RRBP1: variants seen among roughly 807,000 people sequenced by gnomAD.
RRBP1 encodes ribosome-binding protein 1.
A neutral mutation model predicts 165.2 loss-of-function variants in RRBP1; 94 were observed. The ratio of observed to expected loss-of-function variants is 0.57; its 90% CI spans 0.48 to 0.68. The LOEUF (loss-of-function observed/expected upper bound fraction) is 0.68. Among genes scored for constraint, RRBP1 ranks in the 30% least tolerant of loss-of-function variants. RRBP1 has a pLI of 0.00. For synonymous variants in RRBP1, 680 were observed against 714.5 expected, an observed-to-expected ratio of 0.95 and a Z score of 0.77; for missense variants, 1,676 against 1,763.0, an observed-to-expected ratio of 0.95 and a Z score of 0.88.
In RRBP1 at chr20:17,643,374, TG is replaced by T. The variant is rs2036403325; in HGVS notation, c.1913-248del. On this transcript the variant is annotated intron_variant, in intron 3 of 24. Coordinates refer to ENST00000377813, the MANE Select transcript of RRBP1 (RefSeq NM_001365613.2). The surrounding 1 kb of genome is among the most constrained non-coding windows in gnomAD (Gnocchi z 4.3). Reference sequence around the variant, plus strand: ...GCCCATAGGAAGTCCCAGCCTGGGGTGGAAGTAGAGCTCCTCTTTTTTTTTT... The same window carrying T: ...GCCCATAGGAAGTCCCAGCCTGGGGTGAAGTAGAGCTCCTCTTTTTTTTTT... Among the ~76,000 whole-genome samples, 1 of 151,282 alleles carries T rather than the reference TG, an allele frequency of 6.6e-6. No individual in the cohort carries two copies. Among genetic ancestry groups the T allele is most frequent in the Non-Finnish European group, 1.5e-5 (1 of 67,862 alleles).
chr20:17,636,854 C>T (rs1028999205), intron 5 of RRBP1, 125 bp from the exon 6 acceptor site: 40 of 1,219,720 alleles, frequency 3.3e-5, no homozygotes, highest in South Asian at 2.8e-4. Flanking sequence ...TCCTGCTGGC[C>T]GGGTTCTCAG....
Position 17,635,580 on chromosome 20 carries a change from C to T in RRBP1, c.2422G>A (p.Ala808Thr). 6.2e-7 allele frequency: 1 copy of T among 1,613,030 alleles called. No homozygotes were observed. Residue 808 changes from alanine to threonine, a missense_variant, in exon 7 of 25, where the codon GCC becomes ACC. By Grantham distance (58) the Ala-to-Thr change is moderately conservative. Transcript: ENST00000377813. Reference protein sequence around the residue: ...LQQENSILRDALNQATSQVES... With the variant: ...LQQENSILRDTLNQATSQVES... ...ACCTGGCTCGTGGCCTGGTTCAAGG[C>T]ATCCCGCAGGATGGAGTTCTCCTGC...
intron 2 of RRBP1, among the ~76,000 whole-genome samples, chr20:17,675,504 G>A (rs888169287): frequency 6.7e-6 from 1 of 148,562 alleles, no homozygotes; most frequent in African/African-American, 2.5e-5. Flanking sequence ...TACGGGACAT[G>A]TCAGGGGGTG....
At position 17,619,617 on chromosome 20, in the gene RRBP1, TG is replaced by T. The variant is rs1341700576; in HGVS notation, c.3675+15del. 6.3e-7 allele frequency: 1 copy of T among 1,595,766 alleles called. No homozygotes were observed. The highest frequency in any genetic ancestry group is 1.1e-5 in the South Asian group (1 of 89,384). ...TCTGCTGGGCAGGGGCTGCACTCCTTGGGGGGCAGACTCACCCCTGCCACCT... is the reference window on the plus strand; with the variant it reads ...TCTGCTGGGCAGGGGCTGCACTCCTTGGGGGCAGACTCACCCCTGCCACCT... On this transcript the variant is annotated intron_variant, in intron 19 of 24. Transcript: ENST00000377813.
chr20:17,670,118 T>A (rs1464586649), intron 2 of RRBP1, among the ~76,000 whole-genome samples: 1 of 152,234 alleles, frequency 6.6e-6, no homozygotes, highest in African/African-American at 2.4e-5. Flanking sequence ...CTAGTTTACA[T>A]AAATAGATGT....
chr20:17,648,465 C>T (rs6044934), intron 3 of RRBP1, among the ~76,000 whole-genome samples: 1 of 152,282 alleles, frequency 6.6e-6, no homozygotes, highest in African/African-American at 2.4e-5. Context: ...CTCAGCGCTC[C>T]TGACAGGAAG....
In RRBP1 at chr20:17,619,615, C is replaced by G; in HGVS notation, c.3675+18G>C. 6.3e-7 allele frequency: 1 copy of G among 1,595,884 alleles called. No individual in the cohort carries two copies. The highest frequency in any genetic ancestry group is 8.6e-7 in the Non-Finnish European group (1 of 1,168,158). ...GATCTGCTGGGCAGGGGCTGCACTC[C>G]TTGGGGGGCAGACTCACCCCTGCCA... is the stretch of plus-strand genomic sequence containing the variant. On this transcript the variant is annotated intron_variant, in intron 19 of 24. Transcript: ENST00000377813.
Position 17,614,804 on chromosome 20 carries a change from G to C in RRBP1, c.4127C>G (p.Thr1376Arg). ...CTCCCTTGCCAGCTGCTCCTGGGTC[G>C]TCTTCAGAAGCTCCTGCAGTCTCGT... ...AATRLQELLK[T>R]TQEQLAREKD... The change falls in exon 24 of 25, where the codon ACG (threonine) becomes AGG (arginine). Residue 1376 changes from threonine (T) to arginine (R), a missense_variant. Physicochemically the swap from Thr to Arg is moderately conservative, Grantham distance 71. Transcript: ENST00000377813. 1 of 1,613,834 alleles carries C rather than the reference G, an allele frequency of 6.2e-7. No homozygotes were observed. The highest frequency in any genetic ancestry group is 8.5e-7 in the Non-Finnish European group (1 of 1,180,018).
intron 20 of RRBP1, among the ~76,000 whole-genome samples, chr20:17,618,140 TCTGAG>T (rs1244096912): frequency 6.6e-6 from 1 of 152,196 alleles, no homozygotes; most frequent in African/African-American, 2.4e-5. Flanking sequence ...ACTGAATTGA[TCTGAG>T]CTGTCACTGA....
chr20:17,618,655 G>T lies in RRBP1; in HGVS notation c.3700C>A (p.Gln1234Lys), dbSNP rs911617527. Residue 1234 changes from glutamine to lysine, a missense_variant, in exon 20 of 25, where the codon CAA becomes AAA. Physicochemically the swap from Gln to Lys is moderately conservative, Grantham distance 53 (BLOSUM62 1). Coordinates refer to ENST00000377813, the MANE Select transcript of RRBP1 (RefSeq NM_001365613.2). ...AGLRQLLLES[Q>K]SQLDAAKSEA... ...CTCTTGGCGGCATCGAGCTGAGATT[G>T]AGATTCTAGGAGAAGTTGCCTCAGC... is the stretch of plus-strand genomic sequence containing the variant. 11 of 1,613,852 alleles carry T rather than the reference G, an allele frequency of 6.8e-6. No individual in the cohort carries two copies. The highest frequency in any genetic ancestry group is 2.2e-5 in the East Asian group (1 of 44,896).
intron 3 of RRBP1, among the ~76,000 whole-genome samples, chr20:17,646,373 G>T (rs900937199): frequency 6.6e-6 from 1 of 152,218 alleles, no homozygotes; most frequent in African/African-American, 2.4e-5. Flanking sequence ...CAGTCTGCAG[G>T]TCACCTCTGT....
intron 10 of RRBP1, 53 bp from the exon 11 acceptor site, chr20:17,627,435 C>T (rs186049171): frequency 2.9e-5 from 47 of 1,610,834 alleles, no homozygotes; most frequent in Admixed American, 2.8e-4. Context: ...TCTCACGCAG[C>T]GGGGCTAGTC....
chr20:17,618,316 C>T (rs890282611), intron 20 of RRBP1, among the ~76,000 whole-genome samples: 9 of 152,160 alleles, frequency 5.9e-5, no homozygotes, highest in African/African-American at 9.7e-5. Context: ...GGAATGCAGA[C>T]GCCCAGAGCT....
chr20:17,619,184 G>A (rs996873144), intron 19 of RRBP1: 7 of 176,342 alleles, frequency 4.0e-5, no homozygotes, highest in Admixed American at 1.1e-4. Flanking sequence ...CTTTCAAAGT[G>A]CTGGGATTAC....
rs750397575 is a variant in RRBP1, at chr20:17,615,963, T to C, written c.3914A>G (p.Gln1305Arg). The C allele has an allele frequency of 2.5e-6, 4 of 1,609,926 alleles. No homozygotes were observed. The highest frequency in any genetic ancestry group is 3.4e-6 in the Non-Finnish European group (4 of 1,179,934). ...GGCCGTGAGCTTCTGCCGCTGTGTC[T>C]GCTCATCCTCCAGGATGGCTTCTGT... is the stretch of plus-strand genomic sequence containing the variant. ...EWTEAILEDE[Q>R]TQRQKLTAEF... is the part of the protein sequence containing the mutation. Residue 1305 changes from glutamine to arginine, a missense_variant, in exon 22 of 25, where the codon CAG (glutamine) becomes CGG (arginine). By Grantham distance (43) the Gln-to-Arg change is conservative. Around this residue, in one of 5 missense-constraint regions of RRBP1, gnomAD observed 1,184 missense variants for 1,167.1 expected, o/e 1.01. Coordinates refer to ENST00000377813, the MANE Select transcript of RRBP1 (RefSeq NM_001365613.2).
rs1260364009 is a variant in RRBP1 at position 17,650,899 on chromosome 20, T to G, written c.1912+7697A>C. ...AATCTGAGGATAAAAATAGATTTTT[T>G]TAAAAACCAACACCACTGCATACAC... On this transcript the variant is annotated intron_variant, in intron 3 of 24. Coordinates refer to ENST00000377813, the MANE Select transcript of RRBP1 (RefSeq NM_001365613.2). 2.6e-5 allele frequency among the ~76,000 whole-genome samples: 4 copies of G among 152,292 alleles called. No individual in the cohort carries two copies. The East Asian group carries it at 5.8e-4, about 22-fold the overall frequency.
chr20:17,629,223 G>C lies in RRBP1; in HGVS notation c.2749+600C>G, dbSNP rs190534184. Among the ~76,000 whole-genome samples, 31 of 152,366 alleles carry C rather than the reference G, an allele frequency of 2.0e-4. No homozygotes were observed. The East Asian group carries it at 5.6e-3, about 27-fold the overall frequency. On this transcript the variant is annotated intron_variant, in intron 9 of 24. Transcript: ENST00000377813. ...GGCACCCACGGCAGTGCTTGGCCTG[G>C]GGAGGGGCTCGGGAAGCGCCAGTGA...
chr20:17,637,056 TGAC>T (rs2036261802), intron 5 of RRBP1, among the ~76,000 whole-genome samples: 1 of 151,886 alleles, frequency 6.6e-6, no homozygotes, highest in South Asian at 2.1e-4. Flanking sequence ...CCTGCTGTGA[TGAC>T]AACACCCCAG....
chr20:17,648,843 C>G (rs1399807233), intron 3 of RRBP1, among the ~76,000 whole-genome samples: 1 of 152,190 alleles, frequency 6.6e-6, no homozygotes, highest in Non-Finnish European at 1.5e-5. Context: ...AAGGCCCTTC[C>G]CAAGGCACAC....
Sources: allele counts gnomAD v4.1 joint callset (sites outside exome capture counted in the v4.1 genomes callset), GRCh38; gene constraint gnomAD v4.1.1; regional missense constraint gnomAD v4.1.1; non-coding constraint Gnocchi (gnomAD v3.1); transcripts MANE v1.5; gene names NCBI Gene and HGNC (gene_info 2026-07-23, HGNC 2026-07-21).